The following ZMYM2 variants were observed in gnomAD, a reference collection of about 807,000 sequenced individuals.
ZMYM2 encodes zinc finger MYM-type protein 2.
Under a neutral mutation model 162.8 loss-of-function variants are expected in ZMYM2, and 56 were observed. That is an observed-to-expected ratio of 0.34 (90% CI 0.28 to 0.43). The LOEUF is 0.43. Among genes scored for constraint, ZMYM2 ranks in the 20% least tolerant of loss-of-function variants. The probability of loss-of-function intolerance (pLI) is 1.00; values close to 1 mark genes in which losing one functional copy is unlikely to be tolerated. For synonymous variants in ZMYM2, 510 were observed against 541.6 expected (o/e 0.94, Z 0.81); for missense variants, 1,275 against 1,621.8 (o/e 0.79, Z 3.67).
chr13:19,991,689 G>A lies in ZMYM2; in HGVS notation c.-10-1374G>A, dbSNP rs577036674. 2.0e-5 allele frequency among the ~76,000 whole-genome samples: 3 copies of A among 150,620 alleles called. No homozygotes were observed. In the East Asian group the frequency reaches 5.9e-4, roughly 29 times the overall value. ...TCTGTAGCTCAGGCTGGAGTGCAAGGGCACAATCATGGCTGACATCAGCCT... is the reference window on the plus strand; with the variant it reads ...TCTGTAGCTCAGGCTGGAGTGCAAGAGCACAATCATGGCTGACATCAGCCT... On this transcript the variant is annotated intron_variant, in intron 2 of 24. Transcript: ENST00000610343.
the ZMYM2 span, among the ~76,000 whole-genome samples, chr13:19,943,172 C>T: frequency 4.7e-4 from 71 of 152,152 alleles, no homozygotes; most frequent in African/African-American, 1.5e-3. Flanking sequence ...GTCATATGGC[C>T]GTCTTCTCCC....
intron 12 of ZMYM2, among the ~76,000 whole-genome samples, chr13:20,046,631 G>T (rs905118077): frequency 2.1e-5 from 3 of 144,558 alleles, no homozygotes; most frequent in African/African-American, 7.7e-5. Flanking sequence ...ATATATATGT[G>T]TATATATATG....
rs1157068570 is a variant in ZMYM2, at chr13:20,088,157, T to C, written c.*2143T>C. 4.9e-6 allele frequency: 1 copy of C among 204,940 alleles called. No individual in the cohort carries two copies. The allele number at this position is 204,940 out of a possible 1,614,324, so 12.7% of individuals were successfully genotyped here. A position where few individuals can be genotyped will look rare whatever the true frequency, so the allele number is the denominator to read the frequency against. On this transcript the variant is annotated 3_prime_UTR_variant, in exon 25 of 25. Transcript: ENST00000610343. ...TTTTGATCTTGACATGATTGAGGAT[T>C]TAGAGCTCTTGTCTTTGTCTTGATT...
intron 21 of ZMYM2, among the ~76,000 whole-genome samples, chr13:20,074,663 C>T (rs1050868481): frequency 5.9e-5 from 9 of 151,978 alleles, no homozygotes; most frequent in African/African-American, 1.2e-4. Context: ...CTCAGCCTCC[C>T]GAGTAGCTGG....
At chr13:20,071,223 C>G (rs112629890) in intron 21 of ZMYM2, among the ~76,000 whole-genome samples, 14 of 152,240 alleles carry the variant, frequency 9.2e-5, no homozygotes, top group African/African-American at 3.4e-4. Context: ...CAGGTGCCCA[C>G]CATCATGCCC....
At chr13:19,869,915 G>T in the ZMYM2 span, among the ~76,000 whole-genome samples, 1 of 152,210 alleles carries the variant, frequency 6.6e-6, no homozygotes, top group East Asian at 1.9e-4. Context: ...TAAAAACTTA[G>T]TGGGTTAAAA....
chr13:20,011,930 A>G (rs1566292251), intron 6 of ZMYM2, among the ~76,000 whole-genome samples: 1 of 151,576 alleles, frequency 6.6e-6, no homozygotes, highest in African/African-American at 2.4e-5. Context: ...TTGTATTTTT[A>G]GTAGAGACGG....
chr13:19,884,787 G>GA, the ZMYM2 span, among the ~76,000 whole-genome samples: 4 of 152,024 alleles, frequency 2.6e-5, no homozygotes, highest in African/African-American at 7.2e-5. Flanking sequence ...CCCCAAGACA[G>GA]AAAAACAAAA....
the ZMYM2 span, among the ~76,000 whole-genome samples, chr13:19,887,939 G>C: frequency 6.7e-6 from 1 of 149,838 alleles, no homozygotes; most frequent in African/African-American, 2.5e-5. Flanking sequence ...GGAGAGCAGT[G>C]CTATGATCTC....
the ZMYM2 span, among the ~76,000 whole-genome samples, chr13:19,885,256 G>A: frequency 2.2e-4 from 33 of 152,084 alleles, no homozygotes; most frequent in South Asian, 2.1e-4. Context: ...CCTGGGCCAC[G>A]GAGTGAGACC....
rs536011658 is a variant in ZMYM2, at chr13:19,958,800, G to C, written c.-121G>C. On this transcript the variant is annotated 5_prime_UTR_variant, in exon 1 of 25. Coordinates refer to ENST00000610343, the MANE Select transcript of ZMYM2 (RefSeq NM_197968.4). ...CGTGTCGCCGAAGGGGGGTGGGCCG[G>C]GGGAGGGGAGGTTCGTTCCGCGGAG... 1 of 152,964 alleles carries C rather than the reference G, an allele frequency of 6.5e-6. No homozygotes were observed. Among genetic ancestry groups the C allele is most frequent in the African/African-American group, 2.4e-5 (1 of 41,408 alleles). The allele number at this position is 152,964 out of a possible 1,614,324, so 9.5% of individuals were successfully genotyped here.
At chr13:20,050,760 T>C (rs1955249739) in intron 12 of ZMYM2, among the ~76,000 whole-genome samples, 1 of 152,056 alleles carries the variant, frequency 6.6e-6, no homozygotes, top group African/African-American at 2.4e-5. Flanking sequence ...TTGTTGTTCT[T>C]GTATCGTTTT....
At chr13:19,948,521 T>C in the ZMYM2 span, among the ~76,000 whole-genome samples, 3 of 152,282 alleles carry the variant, frequency 2.0e-5, 1 homozygote, top group Admixed American at 2.0e-4. Flanking sequence ...CTGAATACTG[T>C]ATGAGGCTAA....
chr13:20,019,836 G>T, intron 7 of ZMYM2: 1 of 494,712 alleles, frequency 2.0e-6, no homozygotes, highest in East Asian at 3.5e-5. Flanking sequence ...TTTGTCTTTA[G>T]TTATTTATGT....
At chr13:20,067,849 A>G (rs1956796130) in intron 21 of ZMYM2, among the ~76,000 whole-genome samples, 1 of 152,208 alleles carries the variant, frequency 6.6e-6, no homozygotes, top group Admixed American at 6.5e-5. Context: ...ACTTTAAATA[A>G]TGACCTCTAG....
chr13:19,979,247 G>C (rs1042271241), intron 2 of ZMYM2, among the ~76,000 whole-genome samples: 2 of 152,080 alleles, frequency 1.3e-5, no homozygotes, highest in African/African-American at 4.8e-5. Flanking sequence ...AGTTTATCCT[G>C]CTTTTGGAGT....
Position 20,088,121 on chromosome 13 carries a change from TG to T in ZMYM2, c.*2108del. The stretch of plus-strand genomic sequence containing the variant: ...TATTTTTAGCTTTTCTAAGTGGAAA[TG>T]TCTACATAATTTTGATCTTGACATG... On this transcript the variant is annotated 3_prime_UTR_variant, in exon 25 of 25. Coordinates refer to ENST00000610343, the MANE Select transcript of ZMYM2 (RefSeq NM_197968.4). The T allele has an allele frequency of 4.9e-6, 1 of 202,248 alleles. No homozygotes were observed. Among genetic ancestry groups the T allele is most frequent in the South Asian group, 1.9e-4 (1 of 5,262 alleles). The allele number at this position is 202,248 out of a possible 1,614,324, so 12.5% of individuals were successfully genotyped here. A position where few individuals can be genotyped will look rare whatever the true frequency, so the allele number is the denominator to read the frequency against.
chr13:20,026,617 T>G lies in ZMYM2; in HGVS notation c.1590T>G (p.Tyr530Ter). ...QDSFLMQPEK[Y>*]GKLTTCTGCR... Reference sequence around the variant, plus strand: ...TTTTATGTTTCAAATTTTAGAAATATGGAAAACTGACAACTTGTACTGGTT... The same window carrying G: ...TTTTATGTTTCAAATTTTAGAAATAGGGAAAACTGACAACTTGTACTGGTT... The change falls in exon 8 of 25, where the codon TAT (tyrosine) becomes TAG (stop). Residue 530 changes from tyrosine (Y) to a stop codon, truncating the protein, a stop_gained. Transcript: ENST00000610343. LOFTEE classifies it high-confidence loss of function. 1 of 1,587,890 alleles carries G rather than the reference T, an allele frequency of 6.3e-7. No individual in the cohort carries two copies. Among genetic ancestry groups the G allele is most frequent in the Non-Finnish European group, 8.5e-7 (1 of 1,173,730 alleles).
the ZMYM2 span, among the ~76,000 whole-genome samples, chr13:19,940,199 C>A: frequency 6.6e-6 from 1 of 152,064 alleles, no homozygotes; most frequent in East Asian, 1.9e-4. Flanking sequence ...GAAAAGGAAG[C>A]ATGAAAAGAA....
Sources: gnomAD v4.1 joint callset for allele counts (sites outside exome capture counted in the v4.1 genomes callset) on GRCh38, gnomAD v4.1.1 for gene constraint, MANE v1.5 for transcripts, NCBI Gene and HGNC (gene_info 2026-07-23, HGNC 2026-07-21) for gene names.